DNAH3: variants seen among roughly 807,000 people sequenced by gnomAD.
DNAH3 encodes the protein axonemal beta dynein heavy chain 3.
DNAH3 carries 332 observed loss-of-function variants against 432.5 expected under a neutral mutation model. The ratio of observed to expected loss-of-function variants is 0.77; its 90% CI spans 0.70 to 0.84. The LOEUF is 0.84. Among genes scored for constraint, DNAH3 ranks in the 40% least tolerant of loss-of-function variants. The pLI is 0.00. For synonymous variants in DNAH3, 1,956 were observed against 1,900.2 expected, an observed-to-expected ratio of 1.03 and a Z score of -0.76; for missense variants, 4,861 against 5,114.0, an observed-to-expected ratio of 0.95 and a Z score of 1.51.
At chr16:21,151,291 G>A (rs1424221064) in intron 1 of DNAH3, among the ~76,000 whole-genome samples, 2 of 150,882 alleles carry the variant, frequency 1.3e-5, no homozygotes, top group Non-Finnish European at 2.9e-5. Context: ...TATAGTAGAA[G>A]GATAACTGAT....
intron 50 of DNAH3, among the ~76,000 whole-genome samples, chr16:20,977,266 A>C (rs1367101460): frequency 6.6e-6 from 1 of 152,062 alleles, no homozygotes; most frequent in Non-Finnish European, 1.5e-5. Context: ...AATCCCAGCT[A>C]CTCGGGAGAC....
In DNAH3 at chr16:21,139,519, C is replaced by A. The variant is rs528355052; in HGVS notation, c.696+1017G>T. Among the ~76,000 whole-genome samples the A allele has an allele frequency of 1.4e-3, 206 of 151,632 alleles. 1 individual carries two copies. The highest frequency in any genetic ancestry group is 2.6e-3 in the Non-Finnish European group (175 of 67,916). On this transcript the variant is annotated intron_variant, in intron 5 of 61. Coordinates refer to ENST00000261383, the Ensembl canonical transcript of DNAH3. ...TGAGACAAGGTCTCACTCTGCTGCCCAGACTGGAATGTAGTGGCACAATCA... is the reference window on the plus strand; with the variant it reads ...TGAGACAAGGTCTCACTCTGCTGCCAAGACTGGAATGTAGTGGCACAATCA...
intron 53 of DNAH3, among the ~76,000 whole-genome samples, chr16:20,960,987 G>A (rs1343906925): frequency 6.6e-6 from 1 of 152,024 alleles, no homozygotes; most frequent in African/African-American, 2.4e-5. Flanking sequence ...ATGCAAAGTT[G>A]TTCTGTAAGG....
intron 7 of DNAH3, among the ~76,000 whole-genome samples, chr16:21,128,790 T>G (rs1485644892): frequency 8.2e-5 from 12 of 146,840 alleles, no homozygotes; most frequent in Non-Finnish European, 1.5e-4. Context: ...ACCCAGGAGG[T>G]CAAGGCTACA....
intron 18 of DNAH3, among the ~76,000 whole-genome samples, chr16:21,093,891 G>A (rs924414241): frequency 2.6e-5 from 4 of 151,890 alleles, no homozygotes; most frequent in South Asian, 2.1e-4. Flanking sequence ...ACTAAGCCTC[G>A]TATTTTAAAA....
chr16:21,000,340 T>C (rs758852180), exon 43 of DNAH3: 2 of 1,613,924 alleles, frequency 1.2e-6, no homozygotes, highest in Admixed American at 1.7e-5. Context: ...GGCAGAGAAA[T>C]TGATGCAGTT....
chr16:20,971,560 C>A (rs2085343357), intron 51 of DNAH3, among the ~76,000 whole-genome samples: 1 of 152,210 alleles, frequency 6.6e-6, no homozygotes, highest in Non-Finnish European at 1.5e-5. Context: ...CAGGATGTCA[C>A]TCCCTGGAAG....
At chr16:21,097,689 C>G (rs1344921845) in intron 17 of DNAH3, among the ~76,000 whole-genome samples, 190 bp from the exon 18 acceptor site, 1 of 152,188 alleles carries the variant, frequency 6.6e-6, no homozygotes, top group African/African-American at 2.4e-5. Flanking sequence ...AGGACCTTGG[C>G]AGCTGAGGTC....
exon 48 of DNAH3, chr16:20,985,434 C>T: frequency 1.2e-6 from 2 of 1,614,198 alleles, no homozygotes; most frequent in Non-Finnish European, 1.7e-6. Flanking sequence ...GCCCGCTGCC[C>T]CCTATGCCCA....
chr16:21,157,942 A>G (rs1442857738), intron 1 of DNAH3, among the ~76,000 whole-genome samples: 1 of 151,476 alleles, frequency 6.6e-6, no homozygotes, highest in Non-Finnish European at 1.5e-5. Context: ...TGTAACTGGC[A>G]TCTAATGGGT....
At chr16:20,954,951 G>T (rs12924551) in exon 55 of DNAH3, 1 of 1,614,090 alleles carries the variant, frequency 6.2e-7, no homozygotes, top group Non-Finnish European at 8.5e-7. Context: ...AGGTAGGAGC[G>T]CAACAGGTTG....
intron 36 of DNAH3, among the ~76,000 whole-genome samples, chr16:21,033,178 C>T (rs564327512): frequency 6.6e-6 from 1 of 152,096 alleles, no homozygotes; most frequent in African/African-American, 2.4e-5. Flanking sequence ...GTTATTAAGG[C>T]TAGGATAACC....
rs748328590 is a variant in DNAH3 at position 21,023,788 on chromosome 16, T to G, written c.5646+808A>C. ...TATGGGGACTTGGCAGCTTTTGGGG[T>G]GTGTGTGTGTGTGTGTGTGTGTGTG... On this transcript the variant is annotated intron_variant, in intron 39 of 61. Transcript: ENST00000261383. 6.0e-3 allele frequency among the ~76,000 whole-genome samples: 850 copies of G among 142,210 alleles called. 7 individuals carry two copies. Among genetic ancestry groups the G allele is most frequent in the African/African-American group, 0.02 (760 of 38,332 alleles). 93.3% of individuals were successfully genotyped at this position (142,210 alleles called of 152,430 possible).
intron 41 of DNAH3, among the ~76,000 whole-genome samples, chr16:21,010,928 T>TA (rs1423681836): frequency 2.3e-4 from 35 of 151,268 alleles, no homozygotes; most frequent in Admixed American, 1.3e-3. Context: ...TTTTGTTTTT[T>TA]AAAAAAAACA....
At chr16:21,052,407 A>G (rs1031261777) in intron 28 of DNAH3, among the ~76,000 whole-genome samples, 2 of 152,238 alleles carry the variant, frequency 1.3e-5, no homozygotes, top group Non-Finnish European at 2.9e-5. Context: ...CTGCTGCACT[A>G]TCTTCTCTCA....
At chr16:20,971,311 A>G (rs1338459093) in intron 51 of DNAH3, among the ~76,000 whole-genome samples, 1 of 151,988 alleles carries the variant, frequency 6.6e-6, no homozygotes, top group Non-Finnish European at 1.5e-5. Context: ...CCTAATATGG[A>G]TTTCATTTGC....
chr16:20,957,881 C>CT (rs2084644281), intron 54 of DNAH3, among the ~76,000 whole-genome samples: 1 of 121,306 alleles, frequency 8.2e-6, no homozygotes, highest in African/African-American at 3.1e-5. Flanking sequence ...TTAAAATGGA[C>CT]TTTAAAGTCT....
intron 1 of DNAH3, among the ~76,000 whole-genome samples, chr16:21,155,507 A>C (rs909987513): frequency 1.3e-5 from 2 of 150,902 alleles, no homozygotes; most frequent in Non-Finnish European, 2.9e-5. Context: ...CTGTAATCCC[A>C]GCTACTCCGG....
intron 18 of DNAH3, among the ~76,000 whole-genome samples, chr16:21,090,629 T>C (rs2091504268): frequency 6.6e-6 from 1 of 152,144 alleles, no homozygotes; most frequent in Non-Finnish European, 1.5e-5. Flanking sequence ...CTAAGTGAAA[T>C]AAGCCAGGCA....
Sources: allele counts gnomAD v4.1 joint callset (sites outside exome capture counted in the v4.1 genomes callset), GRCh38; gene constraint gnomAD v4.1.1; transcripts MANE v1.5; gene names NCBI Gene and HGNC (gene_info 2026-07-23, HGNC 2026-07-21).